The following AKIRIN2 variants were observed in gnomAD, a reference collection of about 807,000 sequenced individuals.
AKIRIN2 encodes akirin 2, also known as akirin-2.
AKIRIN2 carries 6 observed loss-of-function variants against 29.3 expected under a neutral mutation model. That is an observed-to-expected ratio of 0.20 (90% CI 0.11 to 0.40). AKIRIN2 has a LOEUF of 0.40. AKIRIN2 is among the 10% of genes least tolerant of loss of function. The pLI, the probability that AKIRIN2 is intolerant of heterozygous loss-of-function variation, is 1.00. For synonymous variants in AKIRIN2, 128 were observed against 117.5 expected, an observed-to-expected ratio of 1.09 and a Z score of -0.58; for missense variants, 210 against 276.1, an observed-to-expected ratio of 0.76 and a Z score of 1.70.
intron 2 of AKIRIN2, among the ~76,000 whole-genome samples, chr6:87,681,091 G>A (rs1032211363): frequency 6.6e-6 from 1 of 152,004 alleles, no homozygotes; most frequent in African/African-American, 2.4e-5. Context: ...AAGCTGGAGT[G>A]CAGTGGCATG....
At chr6:87,683,524 G>A (rs189869468) in intron 1 of AKIRIN2, among the ~76,000 whole-genome samples, 2 of 152,110 alleles carry the variant, frequency 1.3e-5, no homozygotes, top group African/African-American at 2.4e-5. Context: ...TGATATAAAT[G>A]GGTTTCCTAA....
intron 1 of AKIRIN2, among the ~76,000 whole-genome samples, chr6:87,683,088 T>G (rs1002537964): frequency 1.1e-4 from 17 of 152,196 alleles, no homozygotes; most frequent in Non-Finnish European, 2.4e-4. Context: ...TGAGAGACTC[T>G]GGGAGGACAA....
At chr6:87,684,187 A>C (rs1299183921) in intron 1 of AKIRIN2, among the ~76,000 whole-genome samples, 1 of 152,178 alleles carries the variant, frequency 6.6e-6, no homozygotes, top group Non-Finnish European at 1.5e-5. Context: ...CTTCTGCTTC[A>C]CAAGTCAACC....
At chr6:87,692,697 C>T (rs188471989) in intron 1 of AKIRIN2, among the ~76,000 whole-genome samples, 19 of 152,086 alleles carry the variant, frequency 1.2e-4, no homozygotes, top group African/African-American at 4.6e-4. Context: ...CTGTAATCCC[C>T]GCTACTCAGA....
intron 1 of AKIRIN2, among the ~76,000 whole-genome samples, chr6:87,690,260 T>C (rs966511169): frequency 6.6e-6 from 1 of 152,118 alleles, no homozygotes; most frequent in Non-Finnish European, 1.5e-5. Context: ...TGAACATTTT[T>C]TAAAAAGTGG....
At chr6:87,679,829 TAA>T (rs1364642443) in intron 2 of AKIRIN2, among the ~76,000 whole-genome samples, 1 of 152,248 alleles carries the variant, frequency 6.6e-6, no homozygotes, top group Non-Finnish European at 1.5e-5. Flanking sequence ...GTAATACTGC[TAA>T]AAGTATTTTA....
At chr6:87,682,357 T>C (rs1771133591) in intron 1 of AKIRIN2, among the ~76,000 whole-genome samples, 1 of 152,210 alleles carries the variant, frequency 6.6e-6, no homozygotes, top group Non-Finnish European at 1.5e-5. Flanking sequence ...ATCTTGGGGC[T>C]GGAGGGTAGG....
At chr6:87,697,186 G>A (rs146537788) in intron 1 of AKIRIN2, among the ~76,000 whole-genome samples, 4,743 of 151,838 alleles carry the variant, frequency 0.031, 248 homozygotes, top group African/African-American at 0.11. Context: ...GGTGGCGCAC[G>A]CCTGTAATCC....
intron 3 of AKIRIN2, among the ~76,000 whole-genome samples, chr6:87,676,799 G>A (rs1430802183): frequency 5.3e-5 from 8 of 149,650 alleles, no homozygotes; most frequent in East Asian, 2.0e-4. Flanking sequence ...ACAATTGGCC[G>A]GGCATGGTGG....
chr6:87,685,214 C>G (rs895294419), intron 1 of AKIRIN2, among the ~76,000 whole-genome samples: 7 of 152,182 alleles, frequency 4.6e-5, no homozygotes, highest in Non-Finnish European at 8.8e-5. Context: ...GCCAAGATCT[C>G]AACTGCACAA....
chr6:87,680,612 G>C (rs1771104415), intron 2 of AKIRIN2, among the ~76,000 whole-genome samples: 2 of 151,924 alleles, frequency 1.3e-5, no homozygotes, highest in African/African-American at 2.4e-5. Flanking sequence ...CCCTTGCTAG[G>C]GGGAGGAGAG....
At chr6:87,681,806 C>T (rs1468352710) in intron 1 of AKIRIN2, 43 bp from the exon 2 acceptor site, 1 of 1,477,508 alleles carries the variant, frequency 6.8e-7, no homozygotes, top group East Asian at 2.4e-5. Flanking sequence ...AAAACTTTCA[C>T]ATTAAAAAAG....
rs1771469881 is a variant in AKIRIN2 at position 87,701,715 on chromosome 6, G to T, written c.-31C>A. On this transcript the variant is annotated 5_prime_UTR_variant, in exon 1 of 5. Transcript: ENST00000257787. ...GGGGCAGCTGAGGCGCCGGGCTCGG[G>T]TGGGGTCGGGGACGGGTGACGAAAG... 1.4e-6 allele frequency: 2 copies of T among 1,405,830 alleles called. No homozygotes were observed. Among genetic ancestry groups the T allele is most frequent in the South Asian group, 3.1e-5 (2 of 63,994 alleles). The allele number at this position is 1,405,830 out of a possible 1,614,324, so 87.1% of individuals were successfully genotyped here.
rs750378823 is a variant in AKIRIN2 at position 87,701,729 on chromosome 6, G to C, written c.-45C>G. ...GCCGGGCTCGGGTGGGGTCGGGGAC[G>C]GGTGACGAAAGAAGAGGGTGAGGGA... On this transcript the variant is annotated 5_prime_UTR_variant, in exon 1 of 5. Transcript: ENST00000257787. 12 of 1,342,250 alleles carry C rather than the reference G, an allele frequency of 8.9e-6. No individual in the cohort carries two copies. Among genetic ancestry groups the C allele is most frequent in the East Asian group, 3.0e-5 (1 of 33,858 alleles). The allele number at this position is 1,342,250 out of a possible 1,614,324, so 83.1% of individuals were successfully genotyped here. A position where few individuals can be genotyped will look rare whatever the true frequency, so the allele number is the denominator to read the frequency against.
chr6:87,694,141 T>C (rs1771322405), intron 1 of AKIRIN2, among the ~76,000 whole-genome samples: 1 of 152,172 alleles, frequency 6.6e-6, no homozygotes, highest in African/African-American at 2.4e-5. Flanking sequence ...CTAGTTTGAT[T>C]TTTTTGAGGG....
rs1771471467 is a variant in AKIRIN2 at position 87,701,768 on chromosome 6, G to A, written c.-84C>T. The A allele has an allele frequency of 9.8e-7, 1 of 1,017,384 alleles. No individual in the cohort carries two copies. The highest frequency in any genetic ancestry group is 2.2e-5 in the South Asian group (1 of 46,110). 63.0% of individuals were successfully genotyped at this position (1,017,384 alleles called of 1,614,324 possible). On this transcript the variant is annotated 5_prime_UTR_variant, in exon 1 of 5. Coordinates refer to ENST00000257787, the MANE Select transcript of AKIRIN2 (RefSeq NM_018064.4). Reference sequence around the variant, plus strand: ...GAGGGTGAGGGAAGGGGTGAAGAGCGGGAACTCGAGGAGAGCCTACCCGAC... The same window carrying A: ...GAGGGTGAGGGAAGGGGTGAAGAGCAGGAACTCGAGGAGAGCCTACCCGAC...
chr6:87,696,412 A>G (rs1208972019), intron 1 of AKIRIN2, among the ~76,000 whole-genome samples: 1 of 151,910 alleles, frequency 6.6e-6, no homozygotes, highest in Non-Finnish European at 1.5e-5. Flanking sequence ...CTTAATAAAA[A>G]AGCCGGGAGC....
In AKIRIN2 at chr6:87,701,599, G is replaced by A; in HGVS notation, c.86C>T (p.Pro29Leu). The change falls in exon 1 of 5, where the codon CCA becomes CTA. Residue 29 changes from proline to leucine, a missense_variant. Coordinates refer to ENST00000257787, the MANE Select transcript of AKIRIN2 (RefSeq NM_018064.4). ...AGCGGCCGAGGTGGGCGCCGACAATGGCGCACATCGCCTGCGCTTCGGGGA... is the reference window on the plus strand; with the variant it reads ...AGCGGCCGAGGTGGGCGCCGACAATAGCGCACATCGCCTGCGCTTCGGGGA... ...PASPKRRRCA[P>L]LSAPTSAAAS... The A allele has an allele frequency of 7.0e-7, 1 of 1,438,246 alleles. No homozygotes were observed. Among genetic ancestry groups the A allele is most frequent in the Non-Finnish European group, 9.1e-7 (1 of 1,098,388 alleles). The allele number at this position is 1,438,246 out of a possible 1,614,324, so 89.1% of individuals were successfully genotyped here.
At chr6:87,678,621 G>T (rs1771065836) in intron 2 of AKIRIN2, among the ~76,000 whole-genome samples, 1 of 152,148 alleles carries the variant, frequency 6.6e-6, no homozygotes, top group Admixed American at 6.5e-5. Flanking sequence ...ACCATACCAT[G>T]AAGTATTTTA....
Sources: gnomAD v4.1 joint callset for allele counts (sites outside exome capture counted in the v4.1 genomes callset) on GRCh38, gnomAD v4.1.1 for gene constraint, MANE v1.5 for transcripts, NCBI Gene and HGNC (gene_info 2026-07-23, HGNC 2026-07-21) for gene names.